GADL1: variants seen among roughly 807,000 people sequenced by gnomAD.
GADL1 encodes GAD like acidic amino acid decarboxylase 1.
GADL1 carries 71 observed loss-of-function variants against 69.5 expected under a neutral mutation model. The ratio of observed to expected loss-of-function variants is 1.02; its 90% confidence interval spans 0.84 to 1.25. The LOEUF is 1.25. Among genes scored for constraint, GADL1 ranks in the 50% most tolerant of loss-of-function variants. The pLI is 0.00. For missense variants in GADL1, 737 were observed against 631.8 expected (o/e 1.17, Z -1.79); for synonymous variants, 254 against 214.4 (o/e 1.18, Z -1.62).
chr3:30,824,459 G>A (rs1014382338), intron 11 of GADL1, among the ~76,000 whole-genome samples: 11 of 151,556 alleles, frequency 7.3e-5, no homozygotes, highest in African/African-American at 9.7e-5. Flanking sequence ...AAATTATTCC[G>A]GATGGAACCT....
intron 12 of GADL1, among the ~76,000 whole-genome samples, chr3:30,788,278 C>T (rs564988734): frequency 1.3e-5 from 2 of 152,202 alleles, no homozygotes; most frequent in South Asian, 2.1e-4. Flanking sequence ...GGTTTGGTTC[C>T]AGAACACTAC....
At chr3:30,788,004 T>C (rs1281857774) in intron 12 of GADL1, among the ~76,000 whole-genome samples, 4 of 152,168 alleles carry the variant, frequency 2.6e-5, no homozygotes, top group Non-Finnish European at 5.9e-5. Context: ...TATTAACTAG[T>C]AATATGGGAA....
intron 1 of GADL1, among the ~76,000 whole-genome samples, chr3:30,885,527 A>T (rs1320262569): frequency 1.3e-5 from 2 of 152,082 alleles, no homozygotes; most frequent in African/African-American, 4.8e-5. Context: ...ATACAAACTC[A>T]TTACAGAAAA....
chr3:30,790,447 C>T (rs1015578614), intron 12 of GADL1, among the ~76,000 whole-genome samples: 1 of 152,122 alleles, frequency 6.6e-6, no homozygotes, highest in African/African-American at 2.4e-5. Flanking sequence ...TAGACTTGCT[C>T]CATGCAGGAT....
intron 6 of GADL1, among the ~76,000 whole-genome samples, chr3:30,847,489 C>T (rs1440563356): frequency 1.3e-5 from 2 of 152,088 alleles, no homozygotes. Flanking sequence ...TTACTAAACA[C>T]AACCTTCTTT....
intron 11 of GADL1, among the ~76,000 whole-genome samples, chr3:30,809,241 G>C (rs1164899046): frequency 6.6e-6 from 1 of 151,984 alleles, no homozygotes; most frequent in East Asian, 1.9e-4. Context: ...GATTTATTTA[G>C]TTAGTTCATT....
chr3:30,856,852 C>T (rs187427005), intron 3 of GADL1, among the ~76,000 whole-genome samples, 163 bp downstream of exon 3: 133 of 152,088 alleles, frequency 8.7e-4, no homozygotes, highest in South Asian at 8.1e-3. Context: ...GGCAATGAAT[C>T]TGGATTAGGG....
At chr3:30,735,105 A>G (rs1004306942) in intron 14 of GADL1, among the ~76,000 whole-genome samples, 5 of 152,190 alleles carry the variant, frequency 3.3e-5, no homozygotes, top group Non-Finnish European at 1.5e-5. Flanking sequence ...CTTCTGGAAT[A>G]GAAAAATAGC....
chr3:30,869,727 A>T (rs1443164799), intron 1 of GADL1, among the ~76,000 whole-genome samples: 1 of 151,842 alleles, frequency 6.6e-6, no homozygotes, highest in African/African-American at 2.4e-5. Flanking sequence ...CACAGTGAGC[A>T]GATACTTCTC....
intron 12 of GADL1, chr3:30,799,584 G>GA (rs1697119191): frequency 6.6e-6 from 1 of 152,184 alleles, no homozygotes; most frequent in Non-Finnish European, 1.5e-5. Context: ...CTATTGTCTT[G>GA]AGGATTATCA....
rs143106242 is a variant in GADL1, at chr3:30,761,911, G to A, written c.1392+16268C>T. Among the ~76,000 whole-genome samples, 109 of 152,268 alleles carry A rather than the reference G, an allele frequency of 7.2e-4. No homozygotes were observed. The Middle Eastern group carries it at 0.014, about 19-fold the overall frequency. On this transcript the variant is annotated intron_variant, in intron 14 of 14. Transcript: ENST00000282538. ...AGGATATATAATATGAAGTTTATAT[G>A]CATGTGTATATGTATTATATGTATA... is the stretch of plus-strand genomic sequence containing the variant.
At chr3:30,877,766 T>C (rs2125543670) in intron 1 of GADL1, among the ~76,000 whole-genome samples, 1 of 152,048 alleles carries the variant, frequency 6.6e-6, no homozygotes, top group Admixed American at 6.6e-5. Context: ...CTTTTGTCTG[T>C]TAAAGGGGCA....
intron 11 of GADL1, among the ~76,000 whole-genome samples, chr3:30,811,162 T>A (rs1697345473): frequency 6.6e-6 from 1 of 152,198 alleles, no homozygotes; most frequent in South Asian, 2.1e-4. Flanking sequence ...AGATCTGAGA[T>A]ATTTTCTCCC....
intron 12 of GADL1, among the ~76,000 whole-genome samples, chr3:30,788,124 A>C (rs1468853373): frequency 6.6e-6 from 1 of 152,218 alleles, no homozygotes; most frequent in East Asian, 1.9e-4. Flanking sequence ...GTAGCTATAA[A>C]GTTTTTAAAC....
rs559107674 is a variant in GADL1 at position 30,855,610 on chromosome 3, T to A, written c.338-821A>T. On this transcript the variant is annotated intron_variant, in intron 3 of 14. Coordinates refer to ENST00000282538, the MANE Select transcript of GADL1 (RefSeq NM_207359.3). ...CAATGGCTTGTTCCAATTTTAATTT[T>A]TTTCCCCCCTCCTATAAAAGGTCTC... 7.9e-3 allele frequency among the ~76,000 whole-genome samples: 1,207 copies of A among 152,142 alleles called. 59 individuals are homozygous for A. In the East Asian group the frequency reaches 0.14, roughly 17 times the overall value.
chr3:30,875,425 G>A (rs535550589), intron 1 of GADL1, among the ~76,000 whole-genome samples: 1 of 151,770 alleles, frequency 6.6e-6, no homozygotes, highest in Non-Finnish European at 1.5e-5. Flanking sequence ...ATAGAATTAG[G>A]CTTGAAGTCC....
intron 6 of GADL1, among the ~76,000 whole-genome samples, chr3:30,846,070 A>G (rs1167511817): frequency 6.6e-6 from 1 of 150,972 alleles, no homozygotes; most frequent in South Asian, 2.1e-4. Flanking sequence ...AAAAAAAAAC[A>G]AAAAACTGCA....
chr3:30,778,095 GGCC>G, intron 14 of GADL1, 81 bp downstream of exon 14: 1 of 783,354 alleles, frequency 1.3e-6, no homozygotes. Flanking sequence ...GTGCTTGCTA[GGCC>G]CTCTTATTTA....
chr3:30,756,488 CCTA>C (rs1695973699), intron 14 of GADL1, among the ~76,000 whole-genome samples: 1 of 152,174 alleles, frequency 6.6e-6, no homozygotes, highest in Admixed American at 6.5e-5. Context: ...CTTTGAAGTT[CCTA>C]CTATCAACAG....
Sources: allele counts gnomAD v4.1 joint callset (sites outside exome capture counted in the v4.1 genomes callset), GRCh38; gene constraint gnomAD v4.1.1; transcripts MANE v1.5; gene names NCBI Gene and HGNC (gene_info 2026-07-23, HGNC 2026-07-21).